TMED5: variants seen among roughly 807,000 people sequenced by gnomAD.
The protein encoded by TMED5 is transmembrane p24 trafficking protein 5, also known as transmembrane emp24 domain-containing protein 5.
Under a neutral mutation model 23.0 loss-of-function variants are expected in TMED5, and 27 were observed. The observed-to-expected ratio is 1.17, with a 90% confidence interval of 0.86 to 1.62. The LOEUF is 1.62. TMED5 is among the 40% of genes most tolerant of loss of function. The pLI is 0.00. For synonymous variants in TMED5, 97 were observed against 100.8 expected (o/e 0.96, Z 0.23); for missense variants, 248 against 273.7 (o/e 0.91, Z 0.66).
At chr1:93,163,694 G>T (rs1648379258) in intron 1 of TMED5, among the ~76,000 whole-genome samples, 1 of 151,366 alleles carries the variant, frequency 6.6e-6, no homozygotes, top group African/African-American at 2.4e-5. Context: ...CCACAATCTG[G>T]GCCAGGCATG....
At chr1:93,169,884 C>CACAT (rs1648646568) in intron 1 of TMED5, among the ~76,000 whole-genome samples, 1 of 145,838 alleles carries the variant, frequency 6.9e-6, no homozygotes, top group African/African-American at 2.6e-5. Flanking sequence ...CCTGTCTGTA[C>CACAT]ACACACACAC....
At chr1:93,163,493 C>T (rs1200985726) in intron 1 of TMED5, among the ~76,000 whole-genome samples, 4 of 151,520 alleles carry the variant, frequency 2.6e-5, no homozygotes, top group African/African-American at 7.3e-5. Context: ...TATAGGCATG[C>T]GCCACCATGC....
At chr1:93,167,644 A>G (rs1380223542) in intron 1 of TMED5, among the ~76,000 whole-genome samples, 1 of 152,216 alleles carries the variant, frequency 6.6e-6, no homozygotes, top group African/African-American at 2.4e-5. Flanking sequence ...CAGTTCTAAT[A>G]GCTTTTTTTA....
intron 2 of TMED5, among the ~76,000 whole-genome samples, chr1:93,158,065 A>C (rs1231857322): frequency 6.8e-6 from 1 of 147,148 alleles, no homozygotes; most frequent in African/African-American, 2.6e-5. Flanking sequence ...CGGAGCTTGC[A>C]GTGAGCCGAG....
chr1:93,159,557 G>A (rs1648197007), intron 2 of TMED5, among the ~76,000 whole-genome samples: 1 of 152,062 alleles, frequency 6.6e-6, no homozygotes, highest in Admixed American at 6.5e-5. Flanking sequence ...AGAATATATG[G>A]TCTTTTGCTG....
At chr1:93,175,362 GT>G (rs947284142) in intron 1 of TMED5, among the ~76,000 whole-genome samples, 12 of 135,994 alleles carry the variant, frequency 8.8e-5, no homozygotes, top group African/African-American at 2.2e-4. Context: ...TTGAGTTTTT[GT>G]TTTTTTATAT....
At chr1:93,175,958 T>C (rs1224322017) in intron 1 of TMED5, among the ~76,000 whole-genome samples, 1 of 152,188 alleles carries the variant, frequency 6.6e-6, no homozygotes, top group East Asian at 1.9e-4. Context: ...CAATAATATA[T>C]AGTGGGGAGC....
Position 93,152,166 on chromosome 1 carries a change from A to C in TMED5, c.*2504T>G, listed in dbSNP as rs1201216865. 1 of 152,638 alleles carries C rather than the reference A, an allele frequency of 6.6e-6. No individual in the cohort carries two copies. Among genetic ancestry groups the C allele is most frequent in the Admixed American group, 6.5e-5 (1 of 15,276 alleles). 9.5% of individuals were successfully genotyped at this position (152,638 alleles called of 1,614,324 possible). A position where few individuals can be genotyped will look rare whatever the true frequency, so the allele number is the denominator to read the frequency against. On this transcript the variant is annotated 3_prime_UTR_variant, in exon 4 of 4. Transcript: ENST00000370282. Reference sequence around the variant, plus strand: ...CATTCACATGAAAGAACAGCATAACATTAATCATCCAAATGCATATCAGAG... The same window carrying C: ...CATTCACATGAAAGAACAGCATAACCTTAATCATCCAAATGCATATCAGAG...
At chr1:93,163,586 G>A (rs1399123372) in intron 1 of TMED5, among the ~76,000 whole-genome samples, 4 of 151,574 alleles carry the variant, frequency 2.6e-5, no homozygotes, top group Admixed American at 6.6e-5. Context: ...CAAGTGATCC[G>A]CCCATCTCAG....
At chr1:93,179,675 A>G (rs575006939) in intron 1 of TMED5, among the ~76,000 whole-genome samples, 4 of 152,358 alleles carry the variant, frequency 2.6e-5, no homozygotes, top group East Asian at 3.9e-4. Flanking sequence ...ACCTTGTCCA[A>G]TGATGAAGGA....
rs551636317 is a variant in TMED5 at position 93,174,205 on chromosome 1, C to G, written c.189+5849G>C. ...CAGGCTGGTCTCCAACTCCTGACCTCGTGATCCACCCACTTTGGCCTCCCA... is the reference window on the plus strand; with the variant it reads ...CAGGCTGGTCTCCAACTCCTGACCTGGTGATCCACCCACTTTGGCCTCCCA... On this transcript the variant is annotated intron_variant, in intron 1 of 3. Coordinates refer to ENST00000370282, the MANE Select transcript of TMED5 (RefSeq NM_016040.5). 2.0e-5 allele frequency among the ~76,000 whole-genome samples: 3 copies of G among 152,122 alleles called. No individual in the cohort carries two copies. In the South Asian group the frequency reaches 6.2e-4, roughly 32 times the overall value.
chr1:93,175,175 T>TATATATATA (rs1648864062), intron 1 of TMED5, among the ~76,000 whole-genome samples: 1 of 119,872 alleles, frequency 8.3e-6, no homozygotes, highest in African/African-American at 4.0e-5. Context: ...TAAAAGCCAT[T>TATATATATA]TATATATATA....
At chr1:93,171,632 AT>A (rs1434057177) in intron 1 of TMED5, among the ~76,000 whole-genome samples, 2 of 152,234 alleles carry the variant, frequency 1.3e-5, no homozygotes, top group African/African-American at 4.8e-5. Flanking sequence ...CCAAACATTT[AT>A]GGACAAAATG....
At chr1:93,158,867 AT>A in intron 2 of TMED5, 2 of 946,336 alleles carry the variant, frequency 2.1e-6, no homozygotes, top group Non-Finnish European at 2.5e-6. Context: ...TGCCTGGCCC[AT>A]TTTTACTTCT....
chr1:93,159,462 A>G (rs1199012543), intron 2 of TMED5, among the ~76,000 whole-genome samples: 1 of 152,182 alleles, frequency 6.6e-6, no homozygotes, highest in Non-Finnish European at 1.5e-5. Context: ...AAACTGACTT[A>G]AGAAAATGTT....
At chr1:93,168,214 A>G (rs1250046021) in intron 1 of TMED5, among the ~76,000 whole-genome samples, 2 of 152,212 alleles carry the variant, frequency 1.3e-5, no homozygotes, top group Non-Finnish European at 2.9e-5. Context: ...AGAAGGCAGA[A>G]AAGGGGGGAA....
chr1:93,179,932 C>T (rs1465481454), intron 1 of TMED5, 122 bp downstream of exon 1: 21 of 1,113,746 alleles, frequency 1.9e-5, no homozygotes, highest in Non-Finnish European at 2.6e-5. Flanking sequence ...GGGCTGGCTT[C>T]CTGAACGGCC....
chr1:93,156,430 G>A lies in TMED5; in HGVS notation c.341C>T (p.Thr114Ile), dbSNP rs1648076982. 1.2e-6 allele frequency: 2 copies of A among 1,613,770 alleles called. No individual in the cohort carries two copies. Among genetic ancestry groups the A allele is most frequent in the Non-Finnish European group, 1.7e-6 (2 of 1,179,866 alleles). The change falls in exon 3 of 4, where the codon ACC becomes ATC. Residue 114 changes from threonine (T) to isoleucine (I), a missense_variant. Thr to Ile is a moderately conservative substitution (Grantham distance 89). Transcript: ENST00000370282. ...AAAGAAAATCACCTTCTCAGAAATG[G>A]TGCTGAATGTATTGTCAAAGCAGAA... is the stretch of plus-strand genomic sequence containing the variant. ...YMFCFDNTFS[T>I]ISEKVIFFEL...
Position 93,154,606 on chromosome 1 carries a change from A to C in TMED5, c.*64T>G. 1 of 1,140,830 alleles carries C rather than the reference A, an allele frequency of 8.8e-7. No individual in the cohort carries two copies. Among genetic ancestry groups the C allele is most frequent in the South Asian group, 1.3e-5 (1 of 75,830 alleles). The allele number at this position is 1,140,830 out of a possible 1,614,324, so 70.7% of individuals were successfully genotyped here. On this transcript the variant is annotated 3_prime_UTR_variant, in exon 4 of 4. Transcript: ENST00000370282. ...TTGGAGAAGACCATTAATGGTCTTG[A>C]CTGTAACAGTTTATTGCATTTTTAT...
Sources: allele counts gnomAD v4.1 joint callset (sites outside exome capture counted in the v4.1 genomes callset), GRCh38; gene constraint gnomAD v4.1.1; transcripts MANE v1.5; gene names NCBI Gene and HGNC (gene_info 2026-07-23, HGNC 2026-07-21).